Variants in KCNH7 observed in about 807,000 individuals in gnomAD.
KCNH7 encodes the protein potassium voltage-gated channel subfamily H member 7, also known as voltage-gated inwardly rectifying potassium channel KCNH7.
Under a neutral mutation model 120.8 loss-of-function variants are expected in KCNH7, and 49 were observed. The ratio of observed to expected loss-of-function variants is 0.41; its 90% CI spans 0.32 to 0.51. The LOEUF is 0.51. KCNH7 is among the 20% of genes least tolerant of loss of function. The pLI is 0.38. For synonymous variants in KCNH7, 547 were observed against 516.1 expected, an observed-to-expected ratio of 1.06 and a Z score of -0.81; for missense variants, 1,097 against 1,446.6, an observed-to-expected ratio of 0.76 and a Z score of 3.92.
At chr2:162,512,695 T>C in intron 4 of KCNH7, 21 bp from the exon 5 acceptor site, 1 of 1,596,642 alleles carries the variant, frequency 6.3e-7, no homozygotes, top group African/African-American at 1.3e-5. Context: ...CACATAAGGA[T>C]AAAAAAAGAG....
At chr2:162,415,651 A>G (rs1259254667) in intron 9 of KCNH7, among the ~76,000 whole-genome samples, 1 of 152,184 alleles carries the variant, frequency 6.6e-6, no homozygotes, top group Non-Finnish European at 1.5e-5. Context: ...ATATAAAACC[A>G]TAAACTTATG....
At chr2:162,785,011 G>A (rs757237794) in intron 2 of KCNH7, 3 of 152,172 alleles carry the variant, frequency 2.0e-5, no homozygotes, top group Non-Finnish European at 4.4e-5. Context: ...ACCAGACCAT[G>A]AGGGTATGAA....
intron 2 of KCNH7, among the ~76,000 whole-genome samples, chr2:162,766,094 T>C (rs1482602755): frequency 1.3e-5 from 2 of 152,108 alleles, no homozygotes; most frequent in South Asian, 2.1e-4. Context: ...TCTCCCTTCC[T>C]CCATTTTAAC....
intron 12 of KCNH7, among the ~76,000 whole-genome samples, chr2:162,389,679 A>C (rs968124721): frequency 6.6e-6 from 1 of 152,080 alleles, no homozygotes; most frequent in Non-Finnish European, 1.5e-5. Flanking sequence ...ACTAATTTTC[A>C]CAATATTTGA....
chr2:162,767,779 CTT>C (rs1682879671), intron 2 of KCNH7, among the ~76,000 whole-genome samples: 1 of 152,192 alleles, frequency 6.6e-6, no homozygotes, highest in East Asian at 1.9e-4. Flanking sequence ...TATTAAAACA[CTT>C]TTAATAACCA....
chr2:162,803,319 G>T (rs1321913496), intron 2 of KCNH7, among the ~76,000 whole-genome samples: 1 of 151,714 alleles, frequency 6.6e-6, no homozygotes, highest in Non-Finnish European at 1.5e-5. Context: ...AGTAATTCTG[G>T]ATTAGCTGCC....
At chr2:162,622,654 C>T (rs899100983) in intron 2 of KCNH7, among the ~76,000 whole-genome samples, 10 of 152,002 alleles carry the variant, frequency 6.6e-5, no homozygotes, top group African/African-American at 1.9e-4. Context: ...TACCTAGAGT[C>T]GTGAAATGCA....
At chr2:162,390,813 A>T (rs1355150142) in intron 12 of KCNH7, among the ~76,000 whole-genome samples, 1 of 152,148 alleles carries the variant, frequency 6.6e-6, no homozygotes, top group South Asian at 2.1e-4. Context: ...AAAAATGTAT[A>T]GCTCATGAGA....
chr2:162,483,590 C>T (rs921606649), intron 6 of KCNH7, among the ~76,000 whole-genome samples: 13 of 151,442 alleles, frequency 8.6e-5, no homozygotes, highest in Non-Finnish European at 1.5e-5. Flanking sequence ...CAATTAGTAT[C>T]AATTCTACAT....
chr2:162,537,029 C>G lies in KCNH7; in HGVS notation c.359G>C (p.Gly120Ala). The G allele has an allele frequency of 6.2e-7, 1 of 1,612,534 alleles. No individual in the cohort carries two copies. Among genetic ancestry groups the G allele is most frequent in the Non-Finnish European group, 8.5e-7 (1 of 1,179,002 alleles). The change falls in exon 3 of 16, where the codon GGC becomes GCC. Residue 120 changes from glycine (G) to alanine (A), a missense_variant. Around this residue, in one of 8 missense-constraint regions of KCNH7, gnomAD observed 362 missense variants for 372.2 expected, o/e 0.97. Transcript: ENST00000332142. ...ATTAATGATGAACATCATAGCCACG[C>G]CCTCTTGGTTTTTCACTGGAATTAT... ...THIIPVKNQE[G>A]VAMMFIINFE...
chr2:162,658,512 G>A (rs1205079655), intron 2 of KCNH7, among the ~76,000 whole-genome samples: 2 of 152,014 alleles, frequency 1.3e-5, no homozygotes, highest in African/African-American at 4.8e-5. Flanking sequence ...GAATTAGTTT[G>A]TTGATATTTA....
intron 2 of KCNH7, among the ~76,000 whole-genome samples, chr2:162,685,325 C>T (rs962266823): frequency 1.3e-5 from 2 of 151,940 alleles, no homozygotes; most frequent in Non-Finnish European, 2.9e-5. Flanking sequence ...GGACATGTAT[C>T]CCTGAACTTA....
intron 2 of KCNH7, among the ~76,000 whole-genome samples, chr2:162,767,925 T>C (rs1574362349): frequency 1.3e-5 from 2 of 152,214 alleles, no homozygotes; most frequent in Non-Finnish European, 2.9e-5. Context: ...TATAAAGTCC[T>C]ATGCTGTAAA....
intron 7 of KCNH7, among the ~76,000 whole-genome samples, chr2:162,442,009 T>C: frequency 1.1e-5 from 1 of 93,230 alleles, no homozygotes; most frequent in Admixed American, 1.0e-4. Context: ...CTTTTTTTTT[T>C]TTTTTTTTTT....
intron 2 of KCNH7, among the ~76,000 whole-genome samples, chr2:162,718,507 A>G (rs954336251): frequency 6.6e-5 from 10 of 152,010 alleles, no homozygotes; most frequent in Non-Finnish European, 1.0e-4. Context: ...AGAACATGGT[A>G]TGAACAAAGC....
chr2:162,586,506 G>A (rs1694026910), intron 2 of KCNH7, among the ~76,000 whole-genome samples: 1 of 152,036 alleles, frequency 6.6e-6, no homozygotes, highest in Non-Finnish European at 1.5e-5. Flanking sequence ...AGTGATGCCA[G>A]GTGAGTCCAG....
At chr2:162,407,789 C>T (rs1309592861) in intron 9 of KCNH7, among the ~76,000 whole-genome samples, 1 of 151,884 alleles carries the variant, frequency 6.6e-6, no homozygotes, top group Non-Finnish European at 1.5e-5. Flanking sequence ...AATAGTTCTT[C>T]CCAAATGGAT....
chr2:162,654,920 A>C (rs548400457), intron 2 of KCNH7, among the ~76,000 whole-genome samples: 4 of 152,174 alleles, frequency 2.6e-5, no homozygotes, highest in Non-Finnish European at 5.9e-5. Flanking sequence ...TGTGTGGAAT[A>C]TAAGAAAGCT....
chr2:162,473,466 C>G (rs1689633558), intron 6 of KCNH7, among the ~76,000 whole-genome samples: 1 of 152,074 alleles, frequency 6.6e-6, no homozygotes, highest in African/African-American at 2.4e-5. Context: ...GTTTGGGCAG[C>G]TTTCTCTTCA....
Sources: gnomAD v4.1 joint callset for allele counts (sites outside exome capture counted in the v4.1 genomes callset) on GRCh38, gnomAD v4.1.1 for gene constraint, gnomAD v4.1.1 regional missense constraint, MANE v1.5 for transcripts, NCBI Gene and HGNC (gene_info 2026-07-23, HGNC 2026-07-21) for gene names.